Variants in AOPEP observed in about 807,000 individuals in gnomAD.
AOPEP encodes aminopeptidase O.
AOPEP carries 77 observed loss-of-function variants against 98.1 expected under a neutral mutation model. The observed-to-expected ratio is 0.78, with a 90% CI of 0.65 to 0.95. The LOEUF (loss-of-function observed/expected upper bound fraction) is 0.95. Among genes scored for constraint, AOPEP ranks in the 40% least tolerant of loss-of-function variants. The pLI is 0.00. For missense variants in AOPEP, 1,024 were observed against 1,024.7 expected (o/e 1.00, Z 0.01); for synonymous variants, 346 against 365.3 (o/e 0.95, Z 0.60).
intron 14 of AOPEP, among the ~76,000 whole-genome samples, chr9:95,062,038 G>A (rs944194270): frequency 6.6e-6 from 1 of 152,224 alleles, no homozygotes; most frequent in African/African-American, 2.4e-5. Flanking sequence ...GACCAGAGGG[G>A]AGGATCAGAG....
At chr9:94,977,618 T>G (rs527390158) in intron 10 of AOPEP, among the ~76,000 whole-genome samples, 12 of 152,280 alleles carry the variant, frequency 7.9e-5, no homozygotes. Flanking sequence ...CGGATACACA[T>G]GCACACATCC....
At chr9:95,004,919 C>CCCCGCTCGGTG (rs1465090767) in intron 11 of AOPEP, 1 of 146,028 alleles carries the variant, frequency 6.8e-6, no homozygotes, top group East Asian at 2.0e-4. Flanking sequence ...CAGGCCCCGC[C>CCCCGCTCGGTG]CCCGCTCGGT....
At chr9:94,765,197 A>T (rs1027290242) in intron 2 of AOPEP, among the ~76,000 whole-genome samples, 1 of 151,830 alleles carries the variant, frequency 6.6e-6, no homozygotes, top group Non-Finnish European at 1.5e-5. Context: ...TCCTGGGCCC[A>T]AGCATTCCTC....
intron 7 of AOPEP, among the ~76,000 whole-genome samples, chr9:94,951,209 A>G (rs2058079144): frequency 6.6e-6 from 1 of 152,204 alleles, no homozygotes; most frequent in South Asian, 2.1e-4. Context: ...GATACTGAAC[A>G]CTTTTGCTTT....
intron 16 of AOPEP, among the ~76,000 whole-genome samples, chr9:95,084,653 C>A (rs1408799843): frequency 6.6e-6 from 1 of 152,226 alleles, no homozygotes; most frequent in Non-Finnish European, 1.5e-5. Context: ...CCTCGCCACT[C>A]TTTATGGGGA....
intron 5 of AOPEP, among the ~76,000 whole-genome samples, chr9:94,915,825 A>G (rs1027682964): frequency 6.6e-6 from 1 of 152,356 alleles, no homozygotes; most frequent in East Asian, 1.9e-4. Context: ...TGGGGAAACA[A>G]TGAATGCCTT....
intron 7 of AOPEP, among the ~76,000 whole-genome samples, chr9:94,946,518 GCAGATTT>G (rs2057646190): frequency 1.3e-5 from 2 of 152,070 alleles, no homozygotes; most frequent in Non-Finnish European, 2.9e-5. Context: ...CTAACAAACA[GCAGATTT>G]CCTGTAGGAA....
the AOPEP span, chr9:95,099,142 G>A: frequency 2.3e-5 from 5 of 213,630 alleles, no homozygotes; most frequent in East Asian, 2.1e-4. Context: ...CAGATGTCAC[G>A]GAGTCCAGGG....
Position 94,823,131 on chromosome 9 carries a change from G to T in AOPEP, c.1364+22129G>T, listed in dbSNP as rs148386797. The stretch of plus-strand genomic sequence containing the variant: ...CCTGCCTTAGCCTCCTGAGTAGCTG[G>T]GATTACAGGCATGTGCCACCACACC... On this transcript the variant is annotated intron_variant, in intron 5 of 16. Transcript: ENST00000375315. Among the ~76,000 whole-genome samples the T allele has an allele frequency of 9.3e-3, 1,410 of 152,232 alleles. 14 individuals carry two copies. Among genetic ancestry groups the T allele is most frequent in the Non-Finnish European group, 0.017 (1,124 of 68,018 alleles).
intron 13 of AOPEP, among the ~76,000 whole-genome samples, chr9:95,045,775 G>GC (rs2065809610): frequency 6.6e-6 from 1 of 152,204 alleles, no homozygotes; most frequent in Non-Finnish European, 1.5e-5. Flanking sequence ...ACAGATAGAT[G>GC]TCCATGTAAC....
intron 9 of AOPEP, among the ~76,000 whole-genome samples, chr9:94,962,811 C>T (rs1183891596): frequency 6.7e-6 from 1 of 149,926 alleles, no homozygotes; most frequent in East Asian, 2.0e-4. Context: ...CGGCTCACTG[C>T]AAGCTCTGCC....
At chr9:94,925,014 C>T (rs1490107196) in intron 6 of AOPEP, among the ~76,000 whole-genome samples, 2 of 151,866 alleles carry the variant, frequency 1.3e-5, no homozygotes, top group African/African-American at 2.4e-5. Flanking sequence ...GTTGTTGAGA[C>T]GGAGTCTAGC....
rs544471506 is a variant in AOPEP, at chr9:94,977,368, T to G, written c.1917-1999T>G. Among the ~76,000 whole-genome samples, 6 of 152,248 alleles carry G rather than the reference T, an allele frequency of 3.9e-5. No individual in the cohort carries two copies. In the South Asian group the frequency reaches 1.2e-3, roughly 32 times the overall value. ...GCTTGTGGAGGCTTCTGCAGTACTC[T>G]ATGTCACCTGCCCTGATTTAGAGGC... On this transcript the variant is annotated intron_variant, in intron 10 of 16. Coordinates refer to ENST00000375315, the MANE Select transcript of AOPEP (RefSeq NM_001193329.3).
chr9:94,798,062 A>G (rs954477253), intron 4 of AOPEP, among the ~76,000 whole-genome samples: 2 of 152,082 alleles, frequency 1.3e-5, no homozygotes, highest in African/African-American at 2.4e-5. Flanking sequence ...TGGTGAGACT[A>G]TGTTAAAGAT....
chr9:94,956,052 C>A, intron 9 of AOPEP, 37 bp downstream of exon 9: 1 of 1,212,620 alleles, frequency 8.2e-7, no homozygotes. Context: ...TGATGTATGA[C>A]TGGAGGGGGT....
intron 7 of AOPEP, among the ~76,000 whole-genome samples, chr9:94,950,848 AC>A: frequency 6.6e-6 from 1 of 152,298 alleles, no homozygotes; most frequent in Non-Finnish European, 1.5e-5. Flanking sequence ...GGGTATTCAG[AC>A]CCAGCTGACA....
chr9:94,951,804 C>G (rs1391557954), intron 7 of AOPEP, among the ~76,000 whole-genome samples: 1 of 152,196 alleles, frequency 6.6e-6, no homozygotes, highest in Non-Finnish European at 1.5e-5. Context: ...TTTGCTGCCT[C>G]ATGGTTGCAA....
chr9:95,141,311 CAAAAAAAAAA>C, the AOPEP span, among the ~76,000 whole-genome samples: 3 of 54,882 alleles, frequency 5.5e-5, no homozygotes, highest in South Asian at 1.3e-3. Flanking sequence ...GACCCTGTCT[CAAAAAAAAAA>C]AAAAAAAAAA....
chr9:94,991,496 A>G (rs926239571), intron 11 of AOPEP, among the ~76,000 whole-genome samples: 1 of 152,220 alleles, frequency 6.6e-6, no homozygotes, highest in African/African-American at 2.4e-5. Flanking sequence ...TTAGTGGCAG[A>G]GCTATGGCTT....
Sources: gnomAD v4.1 joint callset for allele counts (sites outside exome capture counted in the v4.1 genomes callset) on GRCh38, gnomAD v4.1.1 for gene constraint, MANE v1.5 for transcripts, NCBI Gene and HGNC (gene_info 2026-07-23, HGNC 2026-07-21) for gene names.